Variants in COX18 observed in about 807,000 individuals in gnomAD.
COX18 encodes cytochrome c oxidase assembly protein COX18, mitochondrial.
In COX18, 45 loss-of-function variants were observed where a neutral mutation model predicts 38.0. The ratio of observed to expected loss-of-function variants is 1.18; its 90% CI spans 0.93 to 1.52. The LOEUF (loss-of-function observed/expected upper bound fraction) is 1.52. Among genes scored for constraint, COX18 ranks in the 40% most tolerant of loss-of-function variants. The pLI is 0.00. For synonymous variants in COX18, 177 were observed against 169.8 expected (o/e 1.04, Z -0.33); for missense variants, 462 against 423.8 (o/e 1.09, Z -0.79).
chr4:73,059,136 A>C (rs1237516916), intron 5 of COX18, among the ~76,000 whole-genome samples: 3 of 152,078 alleles, frequency 2.0e-5, no homozygotes, highest in Admixed American at 2.0e-4. Context: ...GTGACCATTT[A>C]TTTAGGTCAA....
chr4:73,069,495 T>C lies in COX18; in HGVS notation c.155A>G (p.Asn52Ser), dbSNP rs905053150. Residue 52 changes from asparagine (N) to serine (S), a missense_variant, in exon 1 of 6, where the codon AAC becomes AGC. By Grantham distance (46) the Asn-to-Ser change is conservative. Coordinates refer to ENST00000507544, the MANE Select transcript of COX18 (RefSeq NM_001297732.2). ...CGCGGCCAGGGCCTCGTACCAGCCGTTCGCATGTACTGCAGAGACTGGTGC... is the reference window on the plus strand; with the variant it reads ...CGCGGCCAGGGCCTCGTACCAGCCGCTCGCATGTACTGCAGAGACTGGTGC... ...AVAPVSAVHA[N>S]GWYEALAASS... 1 of 1,593,450 alleles carries C rather than the reference T, an allele frequency of 6.3e-7. No homozygotes were observed. The highest frequency in any genetic ancestry group is 8.5e-7 in the Non-Finnish European group (1 of 1,170,884).
Position 73,068,101 on chromosome 4 carries a change from GT to G in COX18, c.361del (p.Thr121LeufsTer29). 2 of 1,607,922 alleles carry G rather than the reference GT, an allele frequency of 1.2e-6. No homozygotes were observed. Among genetic ancestry groups the G allele is most frequent in the Non-Finnish European group, 1.7e-6 (2 of 1,177,712 alleles). On this transcript the variant is annotated frameshift_variant, in exon 2 of 6. Transcript: ENST00000507544. LOFTEE classifies it high-confidence loss of function. Reference protein sequence around the residue: ...KVENLQPEIKTIARHLNQEVA... With the variant: ...KVENLQPEIKXIARHLNQEVA... ...TTCTTGGTTAAGATGCCTGGCAATA[GT>G]TTTTATTTCTGGCTGCAAATTTTCC... is the stretch of plus-strand genomic sequence containing the variant.
At chr4:73,063,453 G>A (rs1720281082) in intron 4 of COX18, among the ~76,000 whole-genome samples, 1 of 152,116 alleles carries the variant, frequency 6.6e-6, no homozygotes, top group Non-Finnish European at 1.5e-5. Context: ...TACAGTGGTG[G>A]GATCACAACT....
chr4:73,063,444 A>T (rs1720280443), intron 4 of COX18, among the ~76,000 whole-genome samples: 1 of 152,206 alleles, frequency 6.6e-6, no homozygotes, highest in African/African-American at 2.4e-5. Context: ...AGGCTAGAGT[A>T]CAGTGGTGGG....
chr4:73,065,179 T>A, intron 3 of COX18, 71 bp downstream of exon 3: 3 of 955,012 alleles, frequency 3.1e-6, no homozygotes, highest in African/African-American at 1.7e-5. Context: ...ATGCTTTTTT[T>A]TTTTTTTTTT....
chr4:73,058,278 G>A lies in COX18; in HGVS notation c.841C>T (p.Leu281Phe), dbSNP rs1228595034. The A allele has an allele frequency of 6.2e-7, 1 of 1,606,724 alleles. No homozygotes were observed. The highest frequency in any genetic ancestry group is 1.3e-5 in the African/African-American group (1 of 74,614). ...IAATVPSSIV[L>F]YWLCSSFVGL... ...ACGAAGCTGGAGCATAACCAGTAGA[G>A]AACAATTGACTATAAAGAGAAGACA... is the stretch of plus-strand genomic sequence containing the variant. Residue 281 changes from leucine to phenylalanine, a missense_variant, in exon 6 of 6, where the codon CTC becomes TTC. By Grantham distance (22) the Leu-to-Phe change is conservative (BLOSUM62 0). Transcript: ENST00000507544.
Position 73,058,098 on chromosome 4 carries a change from A to C in COX18, c.*16T>G, listed in dbSNP as rs1370510568. The C allele has an allele frequency of 1.3e-6, 2 of 1,543,886 alleles. No individual in the cohort carries two copies. The highest frequency in any genetic ancestry group is 2.7e-5 in the African/African-American group (2 of 72,740). On this transcript the variant is annotated 3_prime_UTR_variant, in exon 6 of 6. Coordinates refer to ENST00000507544, the MANE Select transcript of COX18 (RefSeq NM_001297732.2). ...TAGTGACTCCTGCAACTGTTTCAAA[A>C]TTATTGGAAAATATGTCATTTTCTT...
intron 4 of COX18, among the ~76,000 whole-genome samples, chr4:73,063,490 A>G (rs1475681930): frequency 6.6e-6 from 1 of 152,218 alleles, no homozygotes; most frequent in Non-Finnish European, 1.5e-5. Context: ...TCTTGGGCTC[A>G]AACAATCCTC....
chr4:73,061,554 A>G (rs933164310), intron 5 of COX18, among the ~76,000 whole-genome samples: 1 of 151,994 alleles, frequency 6.6e-6, no homozygotes, highest in African/African-American at 2.4e-5. Flanking sequence ...CAAAAATACA[A>G]AAAATTAGCC....
chr4:73,065,099 T>C (rs1720370034), intron 3 of COX18, 151 bp downstream of exon 3: 1 of 920,234 alleles, frequency 1.1e-6, no homozygotes, highest in Non-Finnish European at 1.6e-6. Context: ...AACCAATCTG[T>C]TTACACTTAA....
At chr4:73,067,764 C>T (rs1720519092) in intron 2 of COX18, among the ~76,000 whole-genome samples, 2 of 136,500 alleles carry the variant, frequency 1.5e-5, no homozygotes, top group Non-Finnish European at 3.0e-5. Context: ...TCGCTTGAAC[C>T]TGGGAGGCAG....
chr4:73,059,656 G>A (rs192818056), intron 5 of COX18, among the ~76,000 whole-genome samples: 9 of 152,354 alleles, frequency 5.9e-5, no homozygotes, highest in Non-Finnish European at 1.0e-4. Context: ...CCAAAGTGAA[G>A]ATTATAATAG....
In COX18 at chr4:73,058,183, C is replaced by T. The variant is rs1358530524; in HGVS notation, c.936G>A (p.Lys312=). ...CTTTATAAGGAGTTTCTGAATCTGA[C>T]TTGGTCGATGGTATTCGGCAAAGTT... ...FRQLCRIPST[K]SDSETPYKDI... Residue 312 remains lysine (K), a synonymous_variant, in exon 6 of 6, where the codon AAG becomes AAA. Transcript: ENST00000507544. 1.9e-6 allele frequency: 3 copies of T among 1,613,606 alleles called. No individual in the cohort carries two copies. Among genetic ancestry groups the T allele is most frequent in the Non-Finnish European group, 2.5e-6 (3 of 1,179,784 alleles).
In COX18 at chr4:73,069,462, G is replaced by A. The variant is rs1170176450; in HGVS notation, c.188C>T (p.Pro63Leu). Reference protein sequence around the residue: ...GWYEALAASSPVRVAEEVLLG... With the variant: ...GWYEALAASSLVRVAEEVLLG... The stretch of plus-strand genomic sequence containing the variant: ...CAGTACTTCCTCCGCAACCCGCACC[G>A]GCGAAGACGCGGCCAGGGCCTCGTA... The change falls in exon 1 of 6, where the codon CCG (proline) becomes CTG (leucine). Residue 63 changes from proline to leucine, a missense_variant. Transcript: ENST00000507544. 2 of 1,590,340 alleles carry A rather than the reference G, an allele frequency of 1.3e-6. No homozygotes were observed. Among genetic ancestry groups the A allele is most frequent in the Admixed American group, 3.5e-5 (2 of 56,384 alleles).
intron 2 of COX18, 56 bp downstream of exon 2, chr4:73,067,973 T>C (rs1433911171): frequency 2.3e-5 from 22 of 959,518 alleles, no homozygotes; most frequent in Admixed American, 1.4e-4. Context: ...TGTGTGTGTG[T>C]GTGTGTGTGT....
intron 4 of COX18, 68 bp downstream of exon 4, chr4:73,064,710 T>G (rs77805746): frequency 0.018 from 27,771 of 1,563,674 alleles, 283 homozygotes; most frequent in Middle Eastern, 0.025. Context: ...AAAAACAGAT[T>G]TGAAGTCAAA....
At position 73,058,276 on chromosome 4, in the gene COX18, G is replaced by A. The variant is rs1354312225; in HGVS notation, c.843C>T (p.Leu281=). ...CCACGAAGCTGGAGCATAACCAGTA[G>A]AGAACAATTGACTATAAAGAGAAGA... ...IAATVPSSIV[L]YWLCSSFVGL... Residue 281 remains leucine, a synonymous_variant, in exon 6 of 6, where the codon CTC becomes CTT. Transcript: ENST00000507544. 1.9e-6 allele frequency: 3 copies of A among 1,607,266 alleles called. No individual in the cohort carries two copies. Among genetic ancestry groups the A allele is most frequent in the South Asian group, 2.2e-5 (2 of 89,830 alleles).
At chr4:73,068,946 C>A (rs1048066783) in intron 1 of COX18, among the ~76,000 whole-genome samples, 5 of 152,158 alleles carry the variant, frequency 3.3e-5, no homozygotes, top group Admixed American at 6.5e-5. Flanking sequence ...AAAGACACTG[C>A]AGACATACTG....
intron 5 of COX18, among the ~76,000 whole-genome samples, chr4:73,060,607 A>C (rs1224437822): frequency 6.6e-6 from 1 of 152,166 alleles, no homozygotes; most frequent in African/African-American, 2.4e-5. Flanking sequence ...TGGGCCAGGC[A>C]TGGTGGCTCA....
Sources: allele counts gnomAD v4.1 joint callset (sites outside exome capture counted in the v4.1 genomes callset), GRCh38; gene constraint gnomAD v4.1.1; transcripts MANE v1.5; gene names NCBI Gene and HGNC (gene_info 2026-07-23, HGNC 2026-07-21).